Variants in ZNF675 observed in about 807,000 individuals in gnomAD.
ZNF675 encodes the protein TRAF6 inhibitory zinc finger.
A neutral mutation model predicts 56.1 loss-of-function variants in ZNF675; 36 were observed. That is an observed-to-expected ratio of 0.64 (90% CI 0.49 to 0.85). The LOEUF (loss-of-function observed/expected upper bound fraction) is 0.85, where lower values mean the gene tolerates loss of function less well. Among genes scored for constraint, ZNF675 ranks in the 40% least tolerant of loss-of-function variants. The probability of loss-of-function intolerance (pLI) is 0.00; values close to 1 mark genes in which losing one functional copy is unlikely to be tolerated. For synonymous variants in ZNF675, 200 were observed against 218.9 expected (o/e 0.91, Z 0.76); for missense variants, 663 against 654.2 (o/e 1.01, Z -0.15).
chr19:23,653,043 C>A lies in ZNF675; in HGVS notation c.*183G>T. On this transcript the variant is annotated 3_prime_UTR_variant, in exon 4 of 4. Coordinates refer to ENST00000359788, the MANE Select transcript of ZNF675 (RefSeq NM_138330.3). The stretch of plus-strand genomic sequence containing the variant: ...GCTTTCCTGTGCAATAAGGTTTGAG[C>A]CTTAATTAACAGTATTGCCAAATTC... 1.7e-6 allele frequency: 1 copy of A among 576,366 alleles called. No individual in the cohort carries two copies. The allele number at this position is 576,366 out of a possible 1,614,324, so 35.7% of individuals were successfully genotyped here.
chr19:23,686,077 C>T (rs1968438620), intron 1 of ZNF675: 1 of 152,152 alleles, frequency 6.6e-6, no homozygotes, highest in South Asian at 2.1e-4. Flanking sequence ...GCCAATTAAC[C>T]TCTGATTACA....
chr19:23,672,081 G>A (rs1274666542), intron 1 of ZNF675, among the ~76,000 whole-genome samples: 4 of 152,010 alleles, frequency 2.6e-5, no homozygotes, highest in African/African-American at 9.7e-5. Flanking sequence ...TGATAAGCTA[G>A]GGATGAGAGA....
At chr19:23,658,162 C>T (rs73566844) in intron 3 of ZNF675, among the ~76,000 whole-genome samples, 58 of 151,988 alleles carry the variant, frequency 3.8e-4, no homozygotes, top group African/African-American at 1.3e-3. Context: ...GGTTTGAGAC[C>T]AGACTCGGCA....
intron 1 of ZNF675, among the ~76,000 whole-genome samples, chr19:23,672,327 G>A (rs977520856): frequency 7.3e-5 from 11 of 151,394 alleles, no homozygotes; most frequent in Non-Finnish European, 1.3e-4. Context: ...TACCTTGTAA[G>A]TCTTAATCTC....
intron 1 of ZNF675, among the ~76,000 whole-genome samples, chr19:23,670,206 T>C (rs1348084606): frequency 6.6e-6 from 1 of 152,174 alleles, no homozygotes; most frequent in Non-Finnish European, 1.5e-5. Flanking sequence ...TAGAATCAAT[T>C]TGACCCTGAC....
In ZNF675 at chr19:23,653,332, T is replaced by C. The variant is rs781675476; in HGVS notation, c.1601A>G (p.Lys534Arg). 1.2e-6 allele frequency: 2 copies of C among 1,613,782 alleles called. No individual in the cohort carries two copies. Among genetic ancestry groups the C allele is most frequent in the Non-Finnish European group, 1.7e-6 (2 of 1,179,944 alleles). The change falls in exon 4 of 4, where the codon AAA (lysine) becomes AGA (arginine). Residue 534 changes from lysine (K) to arginine (R), a missense_variant. Transcript: ENST00000359788. Reference protein sequence around the residue: ...TEHKIIHTGEKPYKCERCDKA... With the variant: ...TEHKIIHTGERPYKCERCDKA... Reference sequence around the variant, plus strand: ...GTCACATCTCTCACATTTATAGGGTTTCTCTCCAGTATGAATTATCTTATG... The same window carrying C: ...GTCACATCTCTCACATTTATAGGGTCTCTCTCCAGTATGAATTATCTTATG...
chr19:23,661,725 A>T lies in ZNF675; in HGVS notation c.226+389T>A, dbSNP rs190964966. On this transcript the variant is annotated intron_variant, in intron 3 of 3. Transcript: ENST00000359788. ...AAGGAAAGAAAACAATAGAAAAGAA[A>T]CCACTTCTCATACGTTTCAGACAAG... is the stretch of plus-strand genomic sequence containing the variant. 1.4e-4 allele frequency among the ~76,000 whole-genome samples: 21 copies of T among 152,116 alleles called. 1 individual carries two copies. The highest frequency in any genetic ancestry group is 1.3e-3 in the Admixed American group (20 of 15,268).
At chr19:23,671,933 T>A (rs1193910102) in intron 1 of ZNF675, among the ~76,000 whole-genome samples, 1 of 152,126 alleles carries the variant, frequency 6.6e-6, no homozygotes, top group African/African-American at 2.4e-5. Flanking sequence ...GATGACTTAT[T>A]TCTCTTGCAC....
chr19:23,687,076 C>G lies in ZNF675; in HGVS notation c.-43G>C, dbSNP rs775333777. On this transcript the variant is annotated 5_prime_UTR_variant, in exon 1 of 4. Coordinates refer to ENST00000359788, the MANE Select transcript of ZNF675 (RefSeq NM_138330.3). Reference sequence around the variant, plus strand: ...GTCCTGGAGTCTTAGCTGTGGATCTCTCAATTTCTGCAGGTCACAGGCCCA... The same window carrying G: ...GTCCTGGAGTCTTAGCTGTGGATCTGTCAATTTCTGCAGGTCACAGGCCCA... The G allele has an allele frequency of 6.2e-7, 1 of 1,612,868 alleles. No individual in the cohort carries two copies. Among genetic ancestry groups the G allele is most frequent in the South Asian group, 1.1e-5 (1 of 91,050 alleles).
At chr19:23,661,434 TAATCCCA>T (rs1265515377) in intron 3 of ZNF675, among the ~76,000 whole-genome samples, 16 of 150,160 alleles carry the variant, frequency 1.1e-4, no homozygotes, top group African/African-American at 3.4e-4. Context: ...CTCACACCTG[TAATCCCA>T]GCACTTTGAG....
chr19:23,686,921 T>C, intron 1 of ZNF675, 110 bp downstream of exon 1: 1 of 1,335,194 alleles, frequency 7.5e-7, no homozygotes, highest in Non-Finnish European at 1.1e-6. Context: ...GAACTCGGGG[T>C]GCAGATTGTG....
rs370499450 is a variant in ZNF675, at chr19:23,686,980, G to T, written c.3+51C>A. On this transcript the variant is annotated intron_variant, in intron 1 of 3. Transcript: ENST00000359788. ...GTCCCGCCATAGCCATTTCCCACGG[G>T]TTCCAACCAGCCCCTTCCCCCTCTC... 4 of 1,612,206 alleles carry T rather than the reference G, an allele frequency of 2.5e-6. No homozygotes were observed. In the East Asian group the frequency reaches 6.7e-5, roughly 27 times the overall value.
At chr19:23,656,170 A>C (rs1410498023) in intron 3 of ZNF675, 1 of 152,248 alleles carries the variant, frequency 6.6e-6, no homozygotes, top group Middle Eastern at 3.2e-3. Context: ...AATTAAAAGG[A>C]AAAGTAAAAT....
rs758825330 is a variant in ZNF675, at chr19:23,653,224, T to C, written c.*2A>G. The C allele has an allele frequency of 1.9e-5, 30 of 1,564,440 alleles. No homozygotes were observed. The highest frequency in any genetic ancestry group is 2.5e-5 in the Non-Finnish European group (29 of 1,158,734). The stretch of plus-strand genomic sequence containing the variant: ...AAATTTGAGGTGTTGTCAAAATCAT[T>C]ATCACACATTCCAGTTCTGTAGTTT... On this transcript the variant is annotated 3_prime_UTR_variant, in exon 4 of 4. Transcript: ENST00000359788.
chr19:23,658,908 G>GATCTCT lies in ZNF675; in HGVS notation c.226+3205_226+3206insAGAGAT, dbSNP rs1568289217. Reference sequence around the variant, plus strand: ...AGATATAGATCTATAGATATCTATAGATAGATATAGATCTATAGATACCGA... The same window carrying GATCTCT: ...AGATATAGATCTATAGATATCTATAGATCTCTATAGATATAGATCTATAGATACCGA... On this transcript the variant is annotated intron_variant, in intron 3 of 3. Transcript: ENST00000359788. Among the ~76,000 whole-genome samples the GATCTCT allele has an allele frequency of 2.4e-4, 6 of 25,224 alleles. No individual in the cohort carries two copies. In the East Asian group the frequency reaches 5.9e-3, roughly 25 times the overall value. The allele number at this position is 25,224 out of a possible 152,430, so 16.5% of individuals were successfully genotyped here.
intron 3 of ZNF675, among the ~76,000 whole-genome samples, chr19:23,659,174 C>T (rs934936996): frequency 4.0e-5 from 6 of 151,830 alleles, no homozygotes; most frequent in Non-Finnish European, 7.4e-5. Context: ...TTATAAGTAA[C>T]AGTTTTAGTA....
rs1196111660 is a variant in ZNF675, at chr19:23,654,427, T to C, written c.506A>G (p.Asn169Ser). 2 of 1,610,404 alleles carry C rather than the reference T, an allele frequency of 1.2e-6. No homozygotes were observed. The highest frequency in any genetic ancestry group is 1.7e-5 in the Admixed American group (1 of 59,422). The change falls in exon 4 of 4, where the codon AAT (asparagine) becomes AGT (serine). Residue 169 changes from asparagine to serine, a missense_variant. Asn to Ser is a conservative substitution (Grantham distance 46). Coordinates refer to ENST00000359788, the MANE Select transcript of ZNF675 (RefSeq NM_138330.3). ...SDRHKIKHMENKPFKCKECGR... is the reference protein window; with the variant it reads ...SDRHKIKHMESKPFKCKECGR... ...ACATTCTTTACATTTGAAAGGTTTATTTTCCATATGTTTTATCTTATGTCT... is the reference window on the plus strand; with the variant it reads ...ACATTCTTTACATTTGAAAGGTTTACTTTCCATATGTTTTATCTTATGTCT...
chr19:23,661,350 A>C (rs1003957431), intron 3 of ZNF675, among the ~76,000 whole-genome samples: 1 of 151,310 alleles, frequency 6.6e-6, no homozygotes, highest in East Asian at 2.0e-4. Context: ...TCAAGACTAC[A>C]TTAGAAGACT....
At chr19:23,681,892 A>G (rs2144799368) in intron 1 of ZNF675, among the ~76,000 whole-genome samples, 1 of 151,944 alleles carries the variant, frequency 6.6e-6, no homozygotes, top group South Asian at 2.1e-4. Flanking sequence ...ACCAGGAAAA[A>G]AGGTGGGGAA....
Sources: allele counts gnomAD v4.1 joint callset (sites outside exome capture counted in the v4.1 genomes callset), GRCh38; gene constraint gnomAD v4.1.1; transcripts MANE v1.5; gene names NCBI Gene and HGNC (gene_info 2026-07-23, HGNC 2026-07-21).